TSHZ2: variants seen among roughly 807,000 people sequenced by gnomAD.
The protein encoded by TSHZ2 is teashirt homolog 2.
Under a neutral mutation model 74.4 loss-of-function variants are expected in TSHZ2, and 21 were observed. The ratio of observed to expected loss-of-function variants is 0.28; its 90% CI spans 0.20 to 0.41. TSHZ2 has a LOEUF of 0.41. TSHZ2 is among the 10% of genes least tolerant of loss of function. TSHZ2 has a pLI of 1.00. For synonymous variants in TSHZ2, 540 were observed against 515.3 expected (o/e 1.05, Z -0.65); for missense variants, 1,244 against 1,293.5 (o/e 0.96, Z 0.59).
chr20:53,195,270 A>T (rs893840221), intron 1 of TSHZ2, among the ~76,000 whole-genome samples: 2 of 151,670 alleles, frequency 1.3e-5, no homozygotes, highest in South Asian at 2.1e-4. Flanking sequence ...AAAATAAATA[A>T]ATATATATAT....
At chr20:53,437,824 A>G (rs950808327) in intron 2 of TSHZ2, among the ~76,000 whole-genome samples, 2 of 152,194 alleles carry the variant, frequency 1.3e-5, no homozygotes, top group Non-Finnish European at 2.9e-5. Flanking sequence ...CTGTAAAAAA[A>G]GTGTGACACC....
chr20:53,321,295 C>T (rs556819822), intron 2 of TSHZ2, among the ~76,000 whole-genome samples: 36 of 151,920 alleles, frequency 2.4e-4, no homozygotes, highest in African/African-American at 7.2e-4. Flanking sequence ...CTGGAAATTT[C>T]GCTGGTCTGT....
rs11472706 is a variant in TSHZ2, at chr20:53,441,221, GTTTATTTTATTTTATTTTAT to G, written c.*9-45885_*9-45866del. Among the ~76,000 whole-genome samples the G allele has an allele frequency of 7.1e-3, 892 of 125,808 alleles. 2 individuals carry two copies. The highest frequency in any genetic ancestry group is 0.011 in the Non-Finnish European group (679 of 61,666). The allele number at this position is 125,808 out of a possible 152,430, so 82.5% of individuals were successfully genotyped here. On this transcript the variant is annotated intron_variant, in intron 2 of 2. Transcript: ENST00000371497. ...TTTCCATTATAACCCTTATTTATTT[GTTTATTTTATTTTATTTTAT>G]TTTATTTTATTTTATTTTATTTTAT...
chr20:53,372,391 C>T (rs1018262984), intron 2 of TSHZ2, among the ~76,000 whole-genome samples: 6 of 152,100 alleles, frequency 3.9e-5, no homozygotes, highest in South Asian at 2.1e-4. Flanking sequence ...ATAGGAAAAT[C>T]GCCTGAACCC....
chr20:53,343,665 G>T (rs1980313029), intron 2 of TSHZ2, among the ~76,000 whole-genome samples: 1 of 152,200 alleles, frequency 6.6e-6, no homozygotes, highest in Admixed American at 6.5e-5. Flanking sequence ...AAGGAAGCTG[G>T]AAGGCAGGCT....
chr20:53,434,259 A>G (rs1372227544), intron 2 of TSHZ2, among the ~76,000 whole-genome samples: 1 of 152,196 alleles, frequency 6.6e-6, no homozygotes, highest in Non-Finnish European at 1.5e-5. Context: ...ATGAATTCTA[A>G]GTGTTTCACA....
At chr20:53,448,548 A>C (rs1984649968) in intron 2 of TSHZ2, among the ~76,000 whole-genome samples, 2 of 152,210 alleles carry the variant, frequency 1.3e-5, no homozygotes, top group Admixed American at 1.3e-4. Flanking sequence ...AATAAACCAT[A>C]AACATCAGTT....
chr20:53,110,391 C>T (rs1986498938), intron 1 of TSHZ2, among the ~76,000 whole-genome samples: 1 of 152,136 alleles, frequency 6.6e-6, no homozygotes, highest in Admixed American at 6.5e-5. Flanking sequence ...ACACTTGCTG[C>T]AGCCCTTCTT....
At chr20:53,169,477 T>C (rs1216851233) in intron 1 of TSHZ2, among the ~76,000 whole-genome samples, 1 of 152,232 alleles carries the variant, frequency 6.6e-6, no homozygotes, top group Non-Finnish European at 1.5e-5. Context: ...TTTCCCATTG[T>C]CCTAGGATCA....
chr20:53,283,272 C>T (rs553612538), intron 2 of TSHZ2, among the ~76,000 whole-genome samples: 1 of 152,316 alleles, frequency 6.6e-6, no homozygotes, highest in East Asian at 1.9e-4. Flanking sequence ...ATTATCACTG[C>T]CAGAACTCAT....
At chr20:53,188,666 A>T (rs945481415) in intron 1 of TSHZ2, among the ~76,000 whole-genome samples, 1 of 152,220 alleles carries the variant, frequency 6.6e-6, no homozygotes, top group Admixed American at 6.5e-5. Context: ...ATATAATTAA[A>T]TATATATGTC....
At chr20:53,414,978 TA>T (rs1983185395) in intron 2 of TSHZ2, among the ~76,000 whole-genome samples, 1 of 152,172 alleles carries the variant, frequency 6.6e-6, no homozygotes, top group African/African-American at 2.4e-5. Flanking sequence ...ATAATGTTTG[TA>T]AAATGCTGAG....
At chr20:53,473,168 T>G (rs77717481) in intron 2 of TSHZ2, among the ~76,000 whole-genome samples, 23,279 of 138,028 alleles carry the variant, frequency 0.17, 2,215 homozygotes, top group East Asian at 0.25. Flanking sequence ...GCTCAAGGAG[T>G]CCTGCCTGCC....
chr20:53,065,368 G>T (rs1383887363), intron 1 of TSHZ2, among the ~76,000 whole-genome samples: 1 of 152,142 alleles, frequency 6.6e-6, no homozygotes, highest in African/African-American at 2.4e-5. Context: ...AAGGGAGCAT[G>T]ATATCTTTTC....
At chr20:53,443,375 T>A (rs1052063294) in intron 2 of TSHZ2, among the ~76,000 whole-genome samples, 1 of 152,238 alleles carries the variant, frequency 6.6e-6, no homozygotes. Flanking sequence ...CACTTTAAAA[T>A]ATTCAAATAT....
At chr20:53,265,567 G>A (rs1177464017) in intron 2 of TSHZ2, among the ~76,000 whole-genome samples, 1 of 152,166 alleles carries the variant, frequency 6.6e-6, no homozygotes, top group Non-Finnish European at 1.5e-5. Context: ...TTCTTTTTCT[G>A]TTGTATAATA....
At chr20:53,041,664 A>AT (rs1376987999) in intron 1 of TSHZ2, among the ~76,000 whole-genome samples, 1 of 152,240 alleles carries the variant, frequency 6.6e-6, no homozygotes, top group African/African-American at 2.4e-5. Context: ...TGGCATAGTA[A>AT]TTATCCCACA....
chr20:53,361,296 G>A (rs907974097), intron 2 of TSHZ2, among the ~76,000 whole-genome samples: 1 of 152,222 alleles, frequency 6.6e-6, no homozygotes, highest in Non-Finnish European at 1.5e-5. Context: ...TTCTTTGGGA[G>A]AAATGATATT....
In TSHZ2 at chr20:53,492,010, G is replaced by A. The variant is rs1454352353; in HGVS notation, c.*4875G>A. On this transcript the variant is annotated 3_prime_UTR_variant, in exon 3 of 3. Transcript: ENST00000371497. ...AGTACAAGTAATAACTTTTTGATAA[G>A]AAACCCCAGGAGAAACTTTTTGGTA... is the stretch of plus-strand genomic sequence containing the variant. The A allele has an allele frequency of 7.8e-6, 1 of 128,180 alleles. No homozygotes were observed. The highest frequency in any genetic ancestry group is 1.6e-5 in the Non-Finnish European group (1 of 61,458). 7.9% of individuals were successfully genotyped at this position (128,180 alleles called of 1,614,324 possible).
Sources: gnomAD v4.1 joint callset for allele counts (sites outside exome capture counted in the v4.1 genomes callset) on GRCh38, gnomAD v4.1.1 for gene constraint, MANE v1.5 for transcripts, NCBI Gene and HGNC (gene_info 2026-07-23, HGNC 2026-07-21) for gene names.